LHFPL6: variants seen among roughly 807,000 people sequenced by gnomAD.
LHFPL6 encodes the protein LHFPL tetraspan subfamily member 6.
Under a neutral mutation model 20.6 loss-of-function variants are expected in LHFPL6, and 9 were observed. The observed-to-expected ratio is 0.44, with a 90% CI of 0.26 to 0.76. The LOEUF (loss-of-function observed/expected upper bound fraction) is 0.76. Ranked by LOEUF, LHFPL6 falls within the 30% of genes least tolerant of loss-of-function variation. The pLI is 0.20. For missense variants in LHFPL6, 218 were observed against 253.5 expected, an observed-to-expected ratio of 0.86 and a Z score of 0.95; for synonymous variants, 105 against 98.7, an observed-to-expected ratio of 1.06 and a Z score of -0.38.
chr13:39,352,679 T>C, intron 3 of LHFPL6, among the ~76,000 whole-genome samples: 1 of 151,750 alleles, frequency 6.6e-6, no homozygotes, highest in South Asian at 2.1e-4. Flanking sequence ...ATCTTTTGTC[T>C]GTGATATTTT....
intron 2 of LHFPL6, among the ~76,000 whole-genome samples, chr13:39,439,424 G>A (rs1429265071): frequency 2.6e-5 from 4 of 152,042 alleles, no homozygotes; most frequent in Admixed American, 1.3e-4. Context: ...GTCTCAGATG[G>A]GACTTTAGAT....
Position 39,344,053 on chromosome 13 carries a change from C to G in LHFPL6, c.486G>C (p.Gly162=). 1 of 1,605,584 alleles carries G rather than the reference C, an allele frequency of 6.2e-7. No individual in the cohort carries two copies. Among genetic ancestry groups the G allele is most frequent in the Non-Finnish European group, 8.5e-7 (1 of 1,173,520 alleles). The change falls in exon 4 of 4, where the codon GGG becomes GGC. Residue 162 remains glycine (G), a splice_region_variant and synonymous_variant. Transcript: ENST00000379589. ...AGTAGGCCCAGCCGATTTCACACTT[C>G]CCTAAGGACAAAGGAAGGGGAAAGA... ...CGYTSGQFDL[G]KCEIGWAYYC... is the part of the protein sequence containing the mutation.
At chr13:39,578,120 C>T (rs1002435558) in intron 2 of LHFPL6, among the ~76,000 whole-genome samples, 3 of 152,176 alleles carry the variant, frequency 2.0e-5, no homozygotes, top group Non-Finnish European at 2.9e-5. Context: ...AAAATACACA[C>T]GGGCAGCATG....
Position 39,469,214 on chromosome 13 carries a change from G to A in LHFPL6, c.386-90688C>T, listed in dbSNP as rs543221800. On this transcript the variant is annotated intron_variant, in intron 2 of 3. Transcript: ENST00000379589. ...TTTCCTCCCCACCTCTCTCGCACAC[G>A]GGTAACCCTGCAACACAGGCACTGT... Among the ~76,000 whole-genome samples the A allele has an allele frequency of 2.6e-5, 4 of 152,142 alleles. No homozygotes were observed. In the East Asian group the frequency reaches 5.8e-4, roughly 22 times the overall value.
intron 2 of LHFPL6, among the ~76,000 whole-genome samples, chr13:39,533,705 C>T (rs1870534447): frequency 1.3e-5 from 2 of 152,200 alleles, no homozygotes; most frequent in South Asian, 4.1e-4. Flanking sequence ...TTCAGAAGGA[C>T]TCATCTACCC....
intron 3 of LHFPL6, among the ~76,000 whole-genome samples, chr13:39,372,106 C>T (rs1213385416): frequency 6.6e-6 from 1 of 152,028 alleles, no homozygotes; most frequent in Non-Finnish European, 1.5e-5. Flanking sequence ...CTGACCTTAG[C>T]TCCTGCCTTG....
intron 2 of LHFPL6, among the ~76,000 whole-genome samples, chr13:39,526,292 ATT>A (rs1331240328): frequency 1.3e-5 from 2 of 152,204 alleles, no homozygotes; most frequent in Non-Finnish European, 2.9e-5. Context: ...AATAGTAGGC[ATT>A]GATAGTAGAC....
intron 2 of LHFPL6, among the ~76,000 whole-genome samples, chr13:39,519,331 A>G (rs568596586): frequency 6.6e-6 from 1 of 152,366 alleles, no homozygotes; most frequent in East Asian, 1.9e-4. Context: ...GAAATTCTAT[A>G]GTAAATCCAC....
At chr13:39,478,111 A>C (rs1441244255) in intron 2 of LHFPL6, among the ~76,000 whole-genome samples, 7 of 152,232 alleles carry the variant, frequency 4.6e-5, no homozygotes, top group Non-Finnish European at 8.8e-5. Context: ...AATAGTGTTT[A>C]CTGAGCACTT....
chr13:39,431,722 G>GGA lies in LHFPL6; in HGVS notation c.386-53197_386-53196insTC, dbSNP rs1555262197. On this transcript the variant is annotated intron_variant, in intron 2 of 3. Transcript: ENST00000379589. ...CAAAAGCCCTGTAGAATTTGTGGGG[G>GGA]GGGGGGGCTTCCTCTCATATTCCAC... Among the ~76,000 whole-genome samples, 5 of 147,808 alleles carry GGA rather than the reference G, an allele frequency of 3.4e-5. No individual in the cohort carries two copies. In the South Asian group the frequency reaches 6.7e-4, roughly 20 times the overall value.
rs138259825 is a variant in LHFPL6 at position 39,548,516 on chromosome 13, A to G, written c.385+52316T>C. 4.4e-3 allele frequency among the ~76,000 whole-genome samples: 670 copies of G among 152,124 alleles called. 2 individuals carry two copies. The highest frequency in any genetic ancestry group is 7.3e-3 in the Non-Finnish European group (493 of 67,998). ...ACACATGGAGATCTGTCTTCAAACA[A>G]CTCAGAGTTACTGATGATGAGCTTT... On this transcript the variant is annotated intron_variant, in intron 2 of 3. Coordinates refer to ENST00000379589, the MANE Select transcript of LHFPL6 (RefSeq NM_005780.3).
intron 2 of LHFPL6, among the ~76,000 whole-genome samples, chr13:39,595,179 G>T (rs1348240897): frequency 1.3e-5 from 2 of 152,030 alleles, no homozygotes; most frequent in African/African-American, 4.8e-5. Context: ...ATAAAATTTT[G>T]TGTTCTCTAT....
rs553266143 is a variant in LHFPL6 at position 39,348,783 on chromosome 13, G to A, written c.485-4729C>T. Among the ~76,000 whole-genome samples the A allele has an allele frequency of 5.9e-5, 9 of 152,076 alleles. No individual in the cohort carries two copies. In the East Asian group the frequency reaches 1.4e-3, roughly 23 times the overall value. On this transcript the variant is annotated intron_variant, in intron 3 of 3. Transcript: ENST00000379589. The stretch of plus-strand genomic sequence containing the variant: ...CTGAGAGAGGCAGAGCAGAGCTTTC[G>A]GCACCAGCTCTCTCCCACTCTCCCC...
chr13:39,378,764 T>C (rs560414050), intron 2 of LHFPL6, among the ~76,000 whole-genome samples: 2 of 152,306 alleles, frequency 1.3e-5, no homozygotes, highest in African/African-American at 2.4e-5. Flanking sequence ...TTTTAAAGCA[T>C]TAAAAGCCTT....
intron 2 of LHFPL6, among the ~76,000 whole-genome samples, chr13:39,539,674 A>G (rs1409561248): frequency 6.6e-6 from 1 of 152,260 alleles, no homozygotes; most frequent in Admixed American, 6.5e-5. Context: ...CTTACCAAGC[A>G]GGTGCAGATT....
chr13:39,355,449 T>C (rs1382393717), intron 3 of LHFPL6, among the ~76,000 whole-genome samples: 1 of 152,140 alleles, frequency 6.6e-6, no homozygotes, highest in African/African-American at 2.4e-5. Flanking sequence ...AAGTACCTAG[T>C]ACACATATCC....
chr13:39,348,402 G>A (rs1224240991), intron 3 of LHFPL6, among the ~76,000 whole-genome samples: 5 of 152,168 alleles, frequency 3.3e-5, no homozygotes, highest in African/African-American at 4.8e-5. Flanking sequence ...ACTTGTACTG[G>A]AGTGTGCACA....
At chr13:39,411,203 C>T (rs1461014824) in intron 2 of LHFPL6, among the ~76,000 whole-genome samples, 1 of 152,144 alleles carries the variant, frequency 6.6e-6, no homozygotes, top group Admixed American at 6.5e-5. Context: ...CATCAAAAGG[C>T]CACACTCCAG....
chr13:39,584,642 T>C (rs182084909), intron 2 of LHFPL6, among the ~76,000 whole-genome samples: 1 of 151,962 alleles, frequency 6.6e-6, no homozygotes, highest in African/African-American at 2.4e-5. Context: ...AATTTTATGG[T>C]AGTAATATTC....
Sources: gnomAD v4.1 joint callset for allele counts (sites outside exome capture counted in the v4.1 genomes callset) on GRCh38, gnomAD v4.1.1 for gene constraint, MANE v1.5 for transcripts, NCBI Gene and HGNC (gene_info 2026-07-23, HGNC 2026-07-21) for gene names.